TSPEAR: variants seen among roughly 807,000 people sequenced by gnomAD.
TSPEAR encodes thrombospondin-type laminin G domain and EAR repeat-containing protein.
In TSPEAR, 69 loss-of-function variants were observed where a neutral mutation model predicts 71.6. The observed-to-expected ratio is 0.96, with a 90% CI of 0.79 to 1.18. The LOEUF is 1.18. Ranked by LOEUF, TSPEAR falls within the 50% of genes most tolerant of loss-of-function variation. The pLI is 0.00. For synonymous variants in TSPEAR, 402 were observed against 387.2 expected, an observed-to-expected ratio of 1.04 and a Z score of -0.45; for missense variants, 971 against 894.9, an observed-to-expected ratio of 1.09 and a Z score of -1.09.
At chr21:44,514,119 C>A (rs1374077548) in intron 9 of TSPEAR, among the ~76,000 whole-genome samples, 1 of 152,232 alleles carries the variant, frequency 6.6e-6, no homozygotes, top group Non-Finnish European at 1.5e-5. Context: ...CTTCCTGGAG[C>A]CCTCCCGCCC....
chr21:44,558,719 G>T, intron 2 of TSPEAR: 1 of 1,587,858 alleles, frequency 6.3e-7, no homozygotes, highest in Middle Eastern at 1.8e-4. Context: ...TGGCCATGCT[G>T]GGGTGGGGAG....
intron 1 of TSPEAR, among the ~76,000 whole-genome samples, chr21:44,686,191 G>T (rs1221931948): frequency 1.3e-5 from 2 of 152,132 alleles, no homozygotes; most frequent in African/African-American, 4.8e-5. Flanking sequence ...GCTCCCCTCG[G>T]CTCTGTTTCC....
intron 1 of TSPEAR, among the ~76,000 whole-genome samples, chr21:44,702,963 C>T (rs1453383607): frequency 2.6e-5 from 4 of 152,196 alleles, no homozygotes; most frequent in Non-Finnish European, 5.9e-5. Context: ...TCCACTACCT[C>T]CAAGCCAGGC....
chr21:44,529,953 C>G lies in TSPEAR; in HGVS notation c.635G>C (p.Gly212Ala). The change falls in exon 5 of 12, where the codon GGA becomes GCA. Residue 212 changes from glycine to alanine, a missense_variant and splice_region_variant. Coordinates refer to ENST00000323084, the MANE Select transcript of TSPEAR (RefSeq NM_144991.3). Reference protein sequence around the residue: ...SRRRAKGLFMGLVRQLVLLPG... With the variant: ...SRRRAKGLFMALVRQLVLLPG... ...CAGCAGGACCAGTTGCCTCACCAGTCCCTGCAGAGAGAGGGACAGCTCCTT... is the reference window on the plus strand; with the variant it reads ...CAGCAGGACCAGTTGCCTCACCAGTGCCTGCAGAGAGAGGGACAGCTCCTT... 1 of 1,593,638 alleles carries G rather than the reference C, an allele frequency of 6.3e-7. No homozygotes were observed. Among genetic ancestry groups the G allele is most frequent in the Non-Finnish European group, 8.5e-7 (1 of 1,173,776 alleles).
chr21:44,503,984 A>G (rs1601317055), intron 11 of TSPEAR, among the ~76,000 whole-genome samples: 1 of 141,328 alleles, frequency 7.1e-6, no homozygotes, highest in South Asian at 2.3e-4. Context: ...CTCGGCGGGG[A>G]AGCAAGGCTC....
intron 9 of TSPEAR, among the ~76,000 whole-genome samples, chr21:44,513,644 C>T (rs587727074): frequency 6.6e-6 from 1 of 152,322 alleles, no homozygotes; most frequent in East Asian, 1.9e-4. Flanking sequence ...GAGCCCCCAA[C>T]AGCTCCCTCG....
intron 1 of TSPEAR, chr21:44,697,193 G>C (rs782186921): frequency 2.0e-5 from 32 of 1,612,146 alleles, no homozygotes; most frequent in Non-Finnish European, 2.7e-5. Context: ...CAGCACGGCT[G>C]CATCCACCAT....
At chr21:44,672,015 A>T (rs1555946029) in intron 1 of TSPEAR, among the ~76,000 whole-genome samples, 1 of 152,170 alleles carries the variant, frequency 6.6e-6, no homozygotes, top group Admixed American at 6.5e-5. Flanking sequence ...TAACCAAAGA[A>T]TCCAACAGAA....
Position 44,708,072 on chromosome 21 carries a change from TGA to T in TSPEAR, c.82+3359_82+3360del, listed in dbSNP as rs529011769. Among the ~76,000 whole-genome samples, 3 of 138,570 alleles carry T rather than the reference TGA, an allele frequency of 2.2e-5. 1 individual carries two copies. The allele number at this position is 138,570 out of a possible 152,430, so 90.9% of individuals were successfully genotyped here. On this transcript the variant is annotated intron_variant, in intron 1 of 11. Coordinates refer to ENST00000323084, the MANE Select transcript of TSPEAR (RefSeq NM_144991.3). ...CACACAGCACGAGGCGACAGAGATATGAGAGAGAGCGAGCGAGAGAGGACGGG... is the reference window on the plus strand; with the variant it reads ...CACACAGCACGAGGCGACAGAGATATGAGAGAGCGAGCGAGAGAGGACGGG...
chr21:44,508,315 T>G, intron 10 of TSPEAR: 1 of 208,066 alleles, frequency 4.8e-6, no homozygotes, highest in Non-Finnish European at 8.8e-6. Flanking sequence ...TAAAGGTATG[T>G]GTTGTTGTGT....
rs587750993 is a variant in TSPEAR at position 44,605,450 on chromosome 21, C to A, written c.83-37445G>T. Among the ~76,000 whole-genome samples the A allele has an allele frequency of 2.0e-5, 3 of 152,244 alleles. No individual in the cohort carries two copies. In the East Asian group the frequency reaches 5.8e-4, roughly 29 times the overall value. On this transcript the variant is annotated intron_variant, in intron 1 of 11. Coordinates refer to ENST00000323084, the MANE Select transcript of TSPEAR (RefSeq NM_144991.3). ...ATTTTTACAAATACATAGAAAAGAA[C>A]AATCCCAAAATTCATATGAAACCAT...
Position 44,499,813 on chromosome 21 carries a change from GA to G in TSPEAR, c.1979del (p.Leu660ProfsTer7). The G allele has an allele frequency of 1.3e-6, 2 of 1,579,030 alleles. No homozygotes were observed. The highest frequency in any genetic ancestry group is 1.7e-6 in the Non-Finnish European group (2 of 1,163,634). On this transcript the variant is annotated frameshift_variant, in exon 12 of 12. Transcript: ENST00000323084. LOFTEE classifies it high-confidence loss of function. ...YLIYSSAKEPLSRVLRLRTR is the reference protein window; with the variant it reads ...YLIYSSAKEPXSRVLRLRTR ...GTGTCCTCAGCCGCAGGACCCTGGA[GA>G]GGGGCTCCTTGGCGCTGGAGTAGAT...
Position 44,623,025 on chromosome 21 carries a change from C to T in TSPEAR, c.83-55020G>A, listed in dbSNP as rs1555933771. On this transcript the variant is annotated intron_variant, in intron 1 of 11. Coordinates refer to ENST00000323084, the MANE Select transcript of TSPEAR (RefSeq NM_144991.3). This position sits in a 1 kb window ranked among gnomAD's most constrained non-coding sequence, Gnocchi z 4.5. ...CCATGTGACATGCCCACTCCCCCTT[C>T]ACCTTCCACCATGAGCAAAGCCCCC... 1.3e-5 allele frequency among the ~76,000 whole-genome samples: 2 copies of T among 152,224 alleles called. No homozygotes were observed. The highest frequency in any genetic ancestry group is 2.9e-5 in the Non-Finnish European group (2 of 68,046).
chr21:44,619,755 T>G (rs1982327383), intron 1 of TSPEAR, among the ~76,000 whole-genome samples: 1 of 152,228 alleles, frequency 6.6e-6, no homozygotes, highest in African/African-American at 2.4e-5. Context: ...ACAGCAGATT[T>G]TAGCAGCTAT....
At chr21:44,609,425 T>C (rs1981518624) in intron 1 of TSPEAR, among the ~76,000 whole-genome samples, 1 of 152,066 alleles carries the variant, frequency 6.6e-6, no homozygotes, top group East Asian at 1.9e-4. Flanking sequence ...AACAAGGATA[T>C]AAATCCAGAA....
chr21:44,676,554 T>G, intron 1 of TSPEAR: 1 of 730,498 alleles, frequency 1.4e-6, no homozygotes, highest in Non-Finnish European at 2.5e-6. Context: ...GAACTTGCTC[T>G]TGACTTAGAT....
intron 1 of TSPEAR, among the ~76,000 whole-genome samples, chr21:44,674,939 G>C (rs73234826): frequency 1.3e-5 from 2 of 150,750 alleles, no homozygotes; most frequent in South Asian, 2.1e-4. Flanking sequence ...GTAATAAAAA[G>C]TCTCCCAGCA....
At position 44,506,083 on chromosome 21, in the gene TSPEAR, ACAGGACCTG is replaced by A. The variant is rs1166792738; in HGVS notation, c.1755-1211_1755-1203del. 1.3e-5 allele frequency among the ~76,000 whole-genome samples: 2 copies of A among 152,172 alleles called. No homozygotes were observed. Among genetic ancestry groups the A allele is most frequent in the African/African-American group, 4.8e-5 (2 of 41,436 alleles). ...CGTGAGGTCACTCCAGGAGGTGCCT[ACAGGACCTG>A]CAGGACCTGCTCGTTCACAGATGTT... On this transcript the variant is annotated intron_variant, in intron 10 of 11. Transcript: ENST00000323084. The surrounding 1 kb of genome is among the most constrained non-coding windows in gnomAD (Gnocchi z 4.2).
At chr21:44,637,288 A>G in intron 1 of TSPEAR, 1 of 1,258,226 alleles carries the variant, frequency 7.9e-7, no homozygotes. Context: ...GGCATTGCTG[A>G]GTCTCCTGCT....
Sources: allele counts gnomAD v4.1 joint callset (sites outside exome capture counted in the v4.1 genomes callset), GRCh38; gene constraint gnomAD v4.1.1; non-coding constraint Gnocchi (gnomAD v3.1); transcripts MANE v1.5; gene names NCBI Gene and HGNC (gene_info 2026-07-23, HGNC 2026-07-21).